The following SCAPER variants were observed in gnomAD, a reference collection of about 807,000 sequenced individuals.
SCAPER encodes S-phase cyclin A associated protein in the ER, also known as S phase cyclin A-associated protein in the endoplasmic reticulum.
SCAPER carries 98 observed loss-of-function variants against 182.2 expected under a neutral mutation model. That is an observed-to-expected ratio of 0.54 (90% CI 0.46 to 0.64). SCAPER has a LOEUF of 0.64. SCAPER is among the 30% of genes least tolerant of loss of function. The pLI is 0.00. For missense variants in SCAPER, 1,432 were observed against 1,690.0 expected, an observed-to-expected ratio of 0.85 and a Z score of 2.68; for synonymous variants, 605 against 564.6, an observed-to-expected ratio of 1.07 and a Z score of -1.01.
At chr15:76,495,995 C>G (rs397832255) in intron 24 of SCAPER, among the ~76,000 whole-genome samples, 11 of 16,306 alleles carry the variant, frequency 6.7e-4, no homozygotes, top group Admixed American at 1.1e-3. Flanking sequence ...AAGAGAGAGA[C>G]ACACACACAC....
chr15:76,488,714 C>CTTTTTTTTTTTTTTTTTT lies in SCAPER; in HGVS notation c.2954+16127_2954+16144dup, dbSNP rs71143333. On this transcript the variant is annotated intron_variant, in intron 24 of 31. Transcript: ENST00000563290. ...TTGCATCCTGATAACAGTACACTGC[C>CTTTTTTTTTTTTTTTTTT]TTTTTTTTTTTTTTTTTTTTTTTTT... Among the ~76,000 whole-genome samples, 198 of 93,094 alleles carry CTTTTTTTTTTTTTTTTTT rather than the reference C, an allele frequency of 2.1e-3. 23 individuals are homozygous for CTTTTTTTTTTTTTTTTTT. Among genetic ancestry groups the CTTTTTTTTTTTTTTTTTT allele is most frequent in the East Asian group, 5.2e-3 (13 of 2,484 alleles). 61.1% of individuals were successfully genotyped at this position (93,094 alleles called of 152,430 possible).
At chr15:76,396,666 T>A (rs184288816) in intron 27 of SCAPER, among the ~76,000 whole-genome samples, 122 of 152,366 alleles carry the variant, frequency 8.0e-4, no homozygotes, top group African/African-American at 2.7e-3. Context: ...ATTGATTTTG[T>A]ATCCTGCAAC....
chr15:76,465,158 A>G (rs1353655195), intron 25 of SCAPER, among the ~76,000 whole-genome samples: 1 of 152,186 alleles, frequency 6.6e-6, no homozygotes, highest in Non-Finnish European at 1.5e-5. Flanking sequence ...GAGCTGCTAT[A>G]ACAAAATACT....
At chr15:76,897,163 G>A (rs1428824881) in intron 1 of SCAPER, among the ~76,000 whole-genome samples, 5 of 152,052 alleles carry the variant, frequency 3.3e-5, no homozygotes, top group Non-Finnish European at 5.9e-5. Context: ...ATGTTTGATG[G>A]CAAACAACCA....
chr15:76,398,729 C>A (rs895966917), intron 27 of SCAPER, among the ~76,000 whole-genome samples: 1 of 152,172 alleles, frequency 6.6e-6, no homozygotes, highest in African/African-American at 2.4e-5. Context: ...TATATAACAT[C>A]AAACTTGTTT....
At chr15:76,822,616 C>T (rs2067673399) in intron 5 of SCAPER, among the ~76,000 whole-genome samples, 2 of 152,172 alleles carry the variant, frequency 1.3e-5, no homozygotes, top group South Asian at 2.1e-4. Context: ...ATCATCTGTG[C>T]CTACTGCACC....
chr15:76,393,919 T>C (rs1172562043), intron 27 of SCAPER, among the ~76,000 whole-genome samples: 1 of 152,204 alleles, frequency 6.6e-6, no homozygotes, highest in Non-Finnish European at 1.5e-5. Flanking sequence ...AGCACTCAGA[T>C]GATTCCAACC....
chr15:76,731,956 C>T (rs913316685), intron 16 of SCAPER, among the ~76,000 whole-genome samples: 3 of 152,130 alleles, frequency 2.0e-5, no homozygotes, highest in Non-Finnish European at 2.9e-5. Flanking sequence ...GAGTAAGGAA[C>T]CAAAGATGTC....
chr15:76,381,643 G>A (rs1177483387), intron 27 of SCAPER, 28 bp from the exon 28 acceptor site: 3 of 1,516,542 alleles, frequency 2.0e-6, no homozygotes, highest in Non-Finnish European at 2.7e-6. Context: ...AGTTCTTTGA[G>A]AAAAACTACT....
At chr15:76,730,085 G>T (rs1212949030) in intron 16 of SCAPER, among the ~76,000 whole-genome samples, 1 of 151,982 alleles carries the variant, frequency 6.6e-6, no homozygotes, top group Non-Finnish European at 1.5e-5. Flanking sequence ...TCAGCATAGA[G>T]TTTAGCCATA....
intron 20 of SCAPER, among the ~76,000 whole-genome samples, chr15:76,680,663 G>T (rs980753937): frequency 2.0e-5 from 3 of 151,934 alleles, no homozygotes; most frequent in Non-Finnish European, 2.9e-5. Flanking sequence ...GTTCCCATGA[G>T]AGCTGCTGGT....
intron 5 of SCAPER, among the ~76,000 whole-genome samples, chr15:76,817,049 G>C (rs2067146340): frequency 6.6e-6 from 1 of 152,158 alleles, no homozygotes; most frequent in Non-Finnish European, 1.5e-5. Context: ...CCATAGGCTT[G>C]TTTCTATCAG....
rs570421760 is a variant in SCAPER at position 76,874,519 on chromosome 15, TAATGA to T, written c.6+9288_6+9292del. Among the ~76,000 whole-genome samples, 52 of 151,540 alleles carry T rather than the reference TAATGA, an allele frequency of 3.4e-4. 1 individual carries two copies. Among genetic ancestry groups the T allele is most frequent in the Non-Finnish European group, 3.2e-4 (22 of 67,862 alleles). On this transcript the variant is annotated intron_variant, in intron 2 of 31. Transcript: ENST00000563290. The stretch of plus-strand genomic sequence containing the variant: ...ACAAAAGTGAGTTATTTAAAAACAC[TAATGA>T]AATGTATATATTCCTTGGCAAGAGG...
intron 5 of SCAPER, among the ~76,000 whole-genome samples, chr15:76,836,577 A>T (rs2068970283): frequency 1.3e-5 from 2 of 152,352 alleles, no homozygotes; most frequent in South Asian, 4.1e-4. Context: ...AAATGGATTT[A>T]AAAAGTAATT....
chr15:76,823,061 G>C (rs146480849), intron 5 of SCAPER, among the ~76,000 whole-genome samples: 1 of 152,278 alleles, frequency 6.6e-6, no homozygotes, highest in Non-Finnish European at 1.5e-5. Flanking sequence ...ATGATCATTT[G>C]TATTATAAAT....
chr15:76,862,649 G>A (rs2071971633), intron 2 of SCAPER, 116 bp from the exon 3 acceptor site: 2 of 606,154 alleles, frequency 3.3e-6, no homozygotes, highest in Non-Finnish European at 5.4e-6. Flanking sequence ...ACTAATTTGG[G>A]ATGTGGTGGG....
intron 29 of SCAPER, among the ~76,000 whole-genome samples, chr15:76,361,747 T>G (rs2041435782): frequency 6.6e-6 from 1 of 152,252 alleles, no homozygotes. Flanking sequence ...AGAGCATTAC[T>G]GTATTGTAGT....
intron 14 of SCAPER, among the ~76,000 whole-genome samples, chr15:76,759,804 G>A (rs1005649003): frequency 6.6e-5 from 10 of 152,046 alleles, no homozygotes; most frequent in Non-Finnish European, 1.5e-4. Context: ...TTACATTCCA[G>A]AGATAAATAC....
At chr15:76,718,066 G>A (rs1367601757) in intron 17 of SCAPER, among the ~76,000 whole-genome samples, 2 of 152,056 alleles carry the variant, frequency 1.3e-5, no homozygotes, top group African/African-American at 4.8e-5. Flanking sequence ...GATTCAAATT[G>A]TACCTATTGT....
Sources: gnomAD v4.1 joint callset for allele counts (sites outside exome capture counted in the v4.1 genomes callset) on GRCh38, gnomAD v4.1.1 for gene constraint, MANE v1.5 for transcripts, NCBI Gene and HGNC (gene_info 2026-07-23, HGNC 2026-07-21) for gene names.